EPHA7: variants seen among roughly 807,000 people sequenced by gnomAD.
The protein encoded by EPHA7 is ephrin type-A receptor 7.
In EPHA7, 25 loss-of-function variants were observed where a neutral mutation model predicts 112.6. The ratio of observed to expected loss-of-function variants is 0.22; its 90% CI spans 0.16 to 0.31. The LOEUF is 0.31. Among genes scored for constraint, EPHA7 ranks in the 10% least tolerant of loss-of-function variants. EPHA7 has a pLI of 1.00. For synonymous variants in EPHA7, 437 were observed against 406.5 expected, an observed-to-expected ratio of 1.07 and a Z score of -0.90; for missense variants, 962 against 1,212.6, an observed-to-expected ratio of 0.79 and a Z score of 3.07.
chr6:93,273,894 C>G (rs1771348372), intron 5 of EPHA7, among the ~76,000 whole-genome samples: 1 of 151,858 alleles, frequency 6.6e-6, no homozygotes, highest in Non-Finnish European at 1.5e-5. Flanking sequence ...TAGGCCATGG[C>G]CTTAGGAATC....
intron 3 of EPHA7, among the ~76,000 whole-genome samples, chr6:93,371,254 T>C (rs1264265731): frequency 1.6e-5 from 2 of 123,052 alleles, no homozygotes; most frequent in African/African-American, 5.3e-5. Context: ...ATAATAAATA[T>C]TTGGGGAAAA....
intron 7 of EPHA7, among the ~76,000 whole-genome samples, chr6:93,265,638 T>C (rs1367257430): frequency 6.6e-6 from 1 of 151,706 alleles, no homozygotes; most frequent in Non-Finnish European, 1.5e-5. Context: ...ATCAAGGACA[T>C]ATGAAACAAT....
chr6:93,244,801 T>C (rs1769873858), intron 16 of EPHA7, among the ~76,000 whole-genome samples: 1 of 152,234 alleles, frequency 6.6e-6, no homozygotes, highest in Non-Finnish European at 1.5e-5. Context: ...TTGGACGTTC[T>C]AATGCATTTC....
At chr6:93,296,610 C>T (rs980468732) in intron 5 of EPHA7, among the ~76,000 whole-genome samples, 40 of 151,288 alleles carry the variant, frequency 2.6e-4, no homozygotes, top group African/African-American at 8.7e-4. Flanking sequence ...AAAAATATTG[C>T]ATAATCTTGC....
Position 93,243,204 on chromosome 6 carries a change from C to T in EPHA7, c.*222G>A. The T allele has an allele frequency of 2.5e-6, 1 of 400,492 alleles. No homozygotes were observed. Among genetic ancestry groups the T allele is most frequent in the Admixed American group, 4.1e-5 (1 of 24,106 alleles). 24.8% of individuals were successfully genotyped at this position (400,492 alleles called of 1,614,324 possible). ...TTTCAGGTAGTACTTTGTTTATTGTCACTGCTATTTTCCTGGCCACCGATG... is the reference window on the plus strand; with the variant it reads ...TTTCAGGTAGTACTTTGTTTATTGTTACTGCTATTTTCCTGGCCACCGATG... On this transcript the variant is annotated 3_prime_UTR_variant, in exon 17 of 17. Coordinates refer to ENST00000369303, the MANE Select transcript of EPHA7 (RefSeq NM_004440.4).
At chr6:93,247,030 A>G (rs745418263) in intron 14 of EPHA7, 45 bp from the exon 15 acceptor site, 11 of 1,482,774 alleles carry the variant, frequency 7.4e-6, no homozygotes, top group South Asian at 5.5e-5. Context: ...TTTAGGTTCA[A>G]TTATAATAAA....
intron 5 of EPHA7, among the ~76,000 whole-genome samples, chr6:93,276,280 C>T (rs927296535): frequency 3.3e-5 from 5 of 151,962 alleles, no homozygotes; most frequent in African/African-American, 7.2e-5. Flanking sequence ...GTGGGAGGAA[C>T]CAACTTGCCA....
chr6:93,354,175 G>A (rs541180493), intron 5 of EPHA7, among the ~76,000 whole-genome samples: 27 of 152,204 alleles, frequency 1.8e-4, no homozygotes, highest in Non-Finnish European at 3.5e-4. Context: ...AATTTCAAGG[G>A]TTTTACAGGG....
intron 3 of EPHA7, among the ~76,000 whole-genome samples, chr6:93,366,367 A>T (rs1395650649): frequency 6.6e-6 from 1 of 152,200 alleles, no homozygotes; most frequent in Non-Finnish European, 1.5e-5. Flanking sequence ...GTTAACTCTA[A>T]CGTGCTACAG....
At chr6:93,344,238 T>A (rs556463172) in intron 5 of EPHA7, among the ~76,000 whole-genome samples, 16 of 151,776 alleles carry the variant, frequency 1.1e-4, no homozygotes, top group African/African-American at 3.9e-4. Flanking sequence ...CAGATAGTTA[T>A]AAATGCATAG....
Position 93,419,501 on chromosome 6 carries a change from C to A in EPHA7, c.-160G>T, listed in dbSNP as rs1023941428. ...TCCACGTTTAGCTTTTTTTAATTTCCCCCCCACTCCTGTTCGCTCGCACCG... is the reference window on the plus strand; with the variant it reads ...TCCACGTTTAGCTTTTTTTAATTTCACCCCCACTCCTGTTCGCTCGCACCG... On this transcript the variant is annotated 5_prime_UTR_variant, in exon 1 of 17. Transcript: ENST00000369303. The A allele has an allele frequency of 5.0e-6, 3 of 597,196 alleles. No individual in the cohort carries two copies. In the Admixed American group the frequency reaches 9.8e-5, roughly 19 times the overall value. 37.0% of individuals were successfully genotyped at this position (597,196 alleles called of 1,614,324 possible).
At chr6:93,243,588 A>C in intron 16 of EPHA7, 48 bp from the exon 17 acceptor site, 1 of 1,263,164 alleles carries the variant, frequency 7.9e-7, no homozygotes, top group South Asian at 1.2e-5. Context: ...CAAAGAATAA[A>C]TGTGGCACTA....
intron 5 of EPHA7, among the ~76,000 whole-genome samples, chr6:93,326,194 A>G (rs1774310790): frequency 6.6e-6 from 1 of 151,316 alleles, no homozygotes; most frequent in East Asian, 1.9e-4. Context: ...GTCTCTCCCT[A>G]TAGTCTAAGT....
chr6:93,370,791 T>C (rs1776750147), intron 3 of EPHA7, among the ~76,000 whole-genome samples: 1 of 152,012 alleles, frequency 6.6e-6, no homozygotes, highest in African/African-American at 2.4e-5. Flanking sequence ...CTACTTTACA[T>C]TTTTCAAGTT....
chr6:93,363,836 A>T (rs1040040681), intron 3 of EPHA7, among the ~76,000 whole-genome samples: 3 of 152,224 alleles, frequency 2.0e-5, no homozygotes, highest in African/African-American at 7.2e-5. Flanking sequence ...CTACTGAATG[A>T]ATTAGAACAA....
chr6:93,350,988 C>G (rs1775663869), intron 5 of EPHA7, among the ~76,000 whole-genome samples: 1 of 152,034 alleles, frequency 6.6e-6, no homozygotes, highest in African/African-American at 2.4e-5. Flanking sequence ...TGCTGCCACT[C>G]TTATTCTTTT....
chr6:93,383,608 A>G (rs2127973729), intron 3 of EPHA7, among the ~76,000 whole-genome samples: 1 of 152,324 alleles, frequency 6.6e-6, no homozygotes, highest in African/African-American at 2.4e-5. Context: ...TGTCATAAAA[A>G]TGTAAAAATA....
At chr6:93,330,850 C>CT (rs1471967629) in intron 5 of EPHA7, among the ~76,000 whole-genome samples, 1 of 151,436 alleles carries the variant, frequency 6.6e-6, no homozygotes, top group African/African-American at 2.4e-5. Context: ...TTACTTTTCT[C>CT]TTTTTTATGT....
chr6:93,413,362 A>G (rs1297470788), intron 2 of EPHA7, among the ~76,000 whole-genome samples: 4 of 151,928 alleles, frequency 2.6e-5, no homozygotes, highest in African/African-American at 9.7e-5. Flanking sequence ...ATAATTTGTC[A>G]TTTTGTGTAT....
Sources: allele counts gnomAD v4.1 joint callset (sites outside exome capture counted in the v4.1 genomes callset), GRCh38; gene constraint gnomAD v4.1.1; transcripts MANE v1.5; gene names NCBI Gene and HGNC (gene_info 2026-07-23, HGNC 2026-07-21).